The following HPCAL1 variants were observed in gnomAD, a reference collection of about 807,000 sequenced individuals.
The protein encoded by HPCAL1 is hippocalcin-like protein 1.
In HPCAL1, 8 loss-of-function variants were observed where a neutral mutation model predicts 17.1. The observed-to-expected ratio is 0.47, with a 90% CI of 0.27 to 0.84. HPCAL1 has a LOEUF of 0.84. Among genes scored for constraint, HPCAL1 ranks in the 40% least tolerant of loss-of-function variants. HPCAL1 has a pLI of 0.13. For missense variants in HPCAL1, 165 were observed against 271.1 expected (o/e 0.61, Z 2.75); for synonymous variants, 112 against 111.4 (o/e 1.01, Z -0.03).
At chr2:10,379,278 T>C (rs1182816116) in intron 1 of HPCAL1, among the ~76,000 whole-genome samples, 2 of 151,816 alleles carry the variant, frequency 1.3e-5, no homozygotes, top group Non-Finnish European at 1.5e-5. Context: ...TGCTTGTAAA[T>C]GTCCCTCACA....
chr2:10,340,253 C>A (rs1664994935), intron 1 of HPCAL1, among the ~76,000 whole-genome samples: 1 of 152,202 alleles, frequency 6.6e-6, no homozygotes, highest in Admixed American at 6.5e-5. Context: ...TCCCAGTTAC[C>A]TTTCTTGAAC....
chr2:10,399,288 A>T (rs1238826199), intron 2 of HPCAL1, among the ~76,000 whole-genome samples: 1 of 144,766 alleles, frequency 6.9e-6, no homozygotes, highest in African/African-American at 2.6e-5. Flanking sequence ...CATCACCACC[A>T]CCACCACCAT....
chr2:10,406,503 G>A (rs1268413992), intron 2 of HPCAL1: 1 of 152,332 alleles, frequency 6.6e-6, no homozygotes, highest in African/African-American at 2.4e-5. Flanking sequence ...CCACTGAGGT[G>A]TGGGTGAAGG....
At chr2:10,348,844 G>GACCAGA (rs1665642797) in intron 1 of HPCAL1, among the ~76,000 whole-genome samples, 1 of 152,144 alleles carries the variant, frequency 6.6e-6, no homozygotes, top group Admixed American at 6.5e-5. Context: ...CTGGTATGAT[G>GACCAGA]TTCGTTGAAC....
rs533443379 is a variant in HPCAL1, at chr2:10,310,674, C to T, written c.-111+7497C>T. ...GTTGTTCCTCAGGCATAACGAGGCCCGGAGCTGGTGGTCCCCTCCCTCTGT... is the reference window on the plus strand; with the variant it reads ...GTTGTTCCTCAGGCATAACGAGGCCTGGAGCTGGTGGTCCCCTCCCTCTGT... On this transcript the variant is annotated intron_variant, in intron 1 of 4. Transcript: ENST00000307845. The surrounding 1 kb of genome is among the most constrained non-coding windows in gnomAD (Gnocchi z 4.5). 3.3e-5 allele frequency among the ~76,000 whole-genome samples: 5 copies of T among 152,226 alleles called. No individual in the cohort carries two copies. Among genetic ancestry groups the T allele is most frequent in the South Asian group, 2.1e-4 (1 of 4,812 alleles).
intron 1 of HPCAL1, among the ~76,000 whole-genome samples, chr2:10,337,645 A>C (rs1392192266): frequency 1.3e-5 from 2 of 152,176 alleles, no homozygotes; most frequent in Non-Finnish European, 2.9e-5. Context: ...TCTGGGCTGC[A>C]CAGCTGGGGA....
At chr2:10,408,939 T>C (rs1405039121) in intron 2 of HPCAL1, among the ~76,000 whole-genome samples, 9 of 152,356 alleles carry the variant, frequency 5.9e-5, no homozygotes, top group African/African-American at 1.9e-4. Flanking sequence ...CCTATGTGAT[T>C]GTAACTTTTT....
chr2:10,425,042 G>A (rs1303302102), intron 4 of HPCAL1: 1 of 182,348 alleles, frequency 5.5e-6, no homozygotes, highest in South Asian at 1.2e-4. Context: ...TGGAACCTTC[G>A]GAAGCTCCCA....
intron 1 of HPCAL1, among the ~76,000 whole-genome samples, chr2:10,329,619 C>T (rs1215135684): frequency 1.3e-5 from 2 of 152,252 alleles, no homozygotes; most frequent in Non-Finnish European, 2.9e-5. Context: ...TATGAAAACA[C>T]GATTGTGGTG....
At chr2:10,332,534 G>A (rs867759724) in intron 1 of HPCAL1, among the ~76,000 whole-genome samples, 15 of 152,202 alleles carry the variant, frequency 9.9e-5, no homozygotes, top group African/African-American at 3.4e-4. Flanking sequence ...GGGGTGAAGC[G>A]GGCCCCTGTA....
intron 1 of HPCAL1, among the ~76,000 whole-genome samples, chr2:10,320,757 C>T (rs1356241737): frequency 6.6e-6 from 1 of 152,226 alleles, no homozygotes; most frequent in Non-Finnish European, 1.5e-5. Flanking sequence ...TTCATTCACT[C>T]ACTCATTCAT....
chr2:10,339,985 G>A (rs1050310457), intron 1 of HPCAL1, among the ~76,000 whole-genome samples: 13 of 152,224 alleles, frequency 8.5e-5, no homozygotes, highest in Non-Finnish European at 1.5e-4. Flanking sequence ...GTTAGTCTGG[G>A]CTTCATGACA....
In HPCAL1 at chr2:10,365,223, C is replaced by A. The variant is rs751366906; in HGVS notation, c.-110-31612C>A. Among the ~76,000 whole-genome samples the A allele has an allele frequency of 1.3e-5, 2 of 152,212 alleles. No homozygotes were observed. The highest frequency in any genetic ancestry group is 1.9e-4 in the East Asian group (1 of 5,198). On this transcript the variant is annotated intron_variant, in intron 1 of 4. Coordinates refer to ENST00000307845, the MANE Select transcript of HPCAL1 (RefSeq NM_002149.4). The surrounding 1 kb of genome is among the most constrained non-coding windows in gnomAD (Gnocchi z 4.8). ...GAGAGGTCTAGGCCTCCGACCCTGA[C>A]CTTGCTCCTCTTGGATGGTATTGGG...
At chr2:10,402,700 G>T (rs1358992888) in intron 2 of HPCAL1, among the ~76,000 whole-genome samples, 2 of 152,166 alleles carry the variant, frequency 1.3e-5, no homozygotes, top group Non-Finnish European at 2.9e-5. Flanking sequence ...AATAATGCAT[G>T]TGATGATTCA....
At position 10,323,152 on chromosome 2, in the gene HPCAL1, T is replaced by A. The variant is rs1399000139; in HGVS notation, c.-111+19975T>A. Among the ~76,000 whole-genome samples, 1 of 152,190 alleles carries A rather than the reference T, an allele frequency of 6.6e-6. No individual in the cohort carries two copies. The highest frequency in any genetic ancestry group is 1.5e-5 in the Non-Finnish European group (1 of 68,032). ...TCATGGCATGTTTCCAGCACAACTCTCTGACCTGGCTCCCCCGGTTCCCCA... is the reference window on the plus strand; with the variant it reads ...TCATGGCATGTTTCCAGCACAACTCACTGACCTGGCTCCCCCGGTTCCCCA... On this transcript the variant is annotated intron_variant, in intron 1 of 4. Transcript: ENST00000307845. The surrounding 1 kb of genome is among the most constrained non-coding windows in gnomAD (Gnocchi z 4.6).
chr2:10,315,926 G>T (rs1343099090), intron 1 of HPCAL1, among the ~76,000 whole-genome samples: 1 of 152,132 alleles, frequency 6.6e-6, no homozygotes, highest in Admixed American at 6.5e-5. Flanking sequence ...AGAATTTCTT[G>T]AACCCAGGAG....
At chr2:10,375,796 T>C (rs1284692618) in intron 1 of HPCAL1, among the ~76,000 whole-genome samples, 1 of 152,214 alleles carries the variant, frequency 6.6e-6, no homozygotes, top group Admixed American at 6.5e-5. Flanking sequence ...CAGCAGGTGC[T>C]GGCTCCCTTA....
intron 4 of HPCAL1, 116 bp from the exon 5 acceptor site, chr2:10,426,608 A>C (rs546523719): frequency 1.9e-5 from 15 of 796,084 alleles, no homozygotes; most frequent in South Asian, 9.1e-5. Flanking sequence ...AGCTTCAAGA[A>C]GGCTCAGGAC....
At chr2:10,317,896 G>T (rs1663421232) in intron 1 of HPCAL1, among the ~76,000 whole-genome samples, 1 of 152,238 alleles carries the variant, frequency 6.6e-6, no homozygotes, top group Non-Finnish European at 1.5e-5. Flanking sequence ...TTCACTGTCA[G>T]CCACAGCTAA....
Sources: allele counts gnomAD v4.1 joint callset (sites outside exome capture counted in the v4.1 genomes callset), GRCh38; gene constraint gnomAD v4.1.1; non-coding constraint Gnocchi (gnomAD v3.1); transcripts MANE v1.5; gene names NCBI Gene and HGNC (gene_info 2026-07-23, HGNC 2026-07-21).